The following PTPRE variants were observed in gnomAD, a reference collection of about 807,000 sequenced individuals.
The protein encoded by PTPRE is receptor-type tyrosine-protein phosphatase epsilon.
PTPRE carries 51 observed loss-of-function variants against 102.0 expected under a neutral mutation model. That is an observed-to-expected ratio of 0.50 (90% CI 0.40 to 0.63). The LOEUF is 0.63. Ranked by LOEUF, PTPRE falls within the 30% of genes least tolerant of loss-of-function variation. The probability of loss-of-function intolerance (pLI) is 0.00; values close to 1 mark genes in which losing one functional copy is unlikely to be tolerated. For synonymous variants in PTPRE, 345 were observed against 348.2 expected (o/e 0.99, Z 0.10); for missense variants, 752 against 915.1 (o/e 0.82, Z 2.30).
chr10:127,911,171 A>G (rs1289353659), intron 1 of PTPRE, among the ~76,000 whole-genome samples: 1 of 152,254 alleles, frequency 6.6e-6, no homozygotes, highest in East Asian at 1.9e-4. Context: ...TGCATCATCC[A>G]GATCAGTAGG....
In PTPRE at chr10:128,056,141, A is replaced by G. The variant is rs576763520; in HGVS notation, c.439A>G (p.Ile147Val). 5 of 1,612,322 alleles carry G rather than the reference A, an allele frequency of 3.1e-6. No homozygotes were observed. The East Asian group carries it at 8.9e-5, about 29-fold the overall frequency. ...CTTCCAGTCATTGCCATCTGGACAC[A>G]TACAAGGAACTTTTGAACTGGCAAA... ...EEFNSLPSGHIQGTFELANKE... is the reference protein window; with the variant it reads ...EEFNSLPSGHVQGTFELANKE... Residue 147 changes from isoleucine to valine, a missense_variant, in exon 7 of 21, where the codon ATA becomes GTA. Transcript: ENST00000254667.
chr10:128,084,388 T>C lies in PTPRE; in HGVS notation c.*1482T>C, dbSNP rs1474779821. Reference sequence around the variant, plus strand: ...TGATCGCACCCTCATGTTGCAGTGTTCGTCCCCTATTCATTAACAGTGTGT... The same window carrying C: ...TGATCGCACCCTCATGTTGCAGTGTCCGTCCCCTATTCATTAACAGTGTGT... On this transcript the variant is annotated 3_prime_UTR_variant, in exon 21 of 21. Coordinates refer to ENST00000254667, the MANE Select transcript of PTPRE (RefSeq NM_006504.6). The C allele has an allele frequency of 1.3e-5, 2 of 152,254 alleles. No individual in the cohort carries two copies. The highest frequency in any genetic ancestry group is 4.8e-5 in the African/African-American group (2 of 41,470). The allele number at this position is 152,254 out of a possible 1,614,324, so 9.4% of individuals were successfully genotyped here.
chr10:127,937,443 C>T (rs1260961577), intron 1 of PTPRE, among the ~76,000 whole-genome samples: 1 of 152,180 alleles, frequency 6.6e-6, no homozygotes, highest in African/African-American at 2.4e-5. Flanking sequence ...CTAGTGATTA[C>T]CCACACCAGG....
intron 1 of PTPRE, among the ~76,000 whole-genome samples, chr10:127,962,864 T>C (rs1849936215): frequency 6.6e-6 from 1 of 152,200 alleles, no homozygotes; most frequent in Admixed American, 6.5e-5. Context: ...ATCCTGGGCT[T>C]AGGTCACGCC....
intron 1 of PTPRE, among the ~76,000 whole-genome samples, chr10:127,931,798 C>T (rs1442093897): frequency 1.3e-5 from 2 of 152,178 alleles, no homozygotes; most frequent in Admixed American, 1.3e-4. Context: ...TTATCATGCA[C>T]ATTTTATTAC....
chr10:128,023,280 G>A (rs985453511), intron 2 of PTPRE, among the ~76,000 whole-genome samples: 1 of 151,624 alleles, frequency 6.6e-6, no homozygotes. Flanking sequence ...TAGGAAAAAG[G>A]ATAGTATATA....
chr10:127,993,552 C>A (rs923813703), intron 2 of PTPRE, among the ~76,000 whole-genome samples: 8 of 152,126 alleles, frequency 5.3e-5, no homozygotes, highest in African/African-American at 1.4e-4. Context: ...GTCTCAGGAA[C>A]CTGCGTTGCT....
rs200995542 is a variant in PTPRE, at chr10:127,976,020, G to C, written c.-30-6254G>C. The stretch of plus-strand genomic sequence containing the variant: ...TGCTTGGCGGGGAGTCTGGCATGAA[G>C]TTCCTGTCCTTACAGTGGCTGTTTC... On this transcript the variant is annotated intron_variant, in intron 1 of 20. Transcript: ENST00000254667. Among the ~76,000 whole-genome samples the C allele has an allele frequency of 3.3e-5, 5 of 152,090 alleles. No homozygotes were observed. In the East Asian group the frequency reaches 7.7e-4, roughly 23 times the overall value.
At chr10:128,057,677 G>A (rs1849113894) in intron 7 of PTPRE, among the ~76,000 whole-genome samples, 1 of 152,248 alleles carries the variant, frequency 6.6e-6, no homozygotes, top group African/African-American at 2.4e-5. Flanking sequence ...TCATCAAATA[G>A]TCTTTCATTC....
intron 18 of PTPRE, 94 bp from the exon 19 acceptor site, chr10:128,077,523 C>T: frequency 6.8e-7 from 1 of 1,465,686 alleles, no homozygotes; most frequent in Non-Finnish European, 9.1e-7. Context: ...TCAGGGAGGG[C>T]TCCCAGCCTT....
At chr10:127,986,477 T>G (rs1291459313) in intron 2 of PTPRE, among the ~76,000 whole-genome samples, 2 of 152,254 alleles carry the variant, frequency 1.3e-5, no homozygotes, top group Non-Finnish European at 2.9e-5. Context: ...ACTTGACTAT[T>G]TCACTTTGGT....
At chr10:128,034,551 G>T (rs1185926242) in intron 2 of PTPRE, among the ~76,000 whole-genome samples, 5 of 152,048 alleles carry the variant, frequency 3.3e-5, no homozygotes, top group African/African-American at 1.2e-4. Flanking sequence ...CTTAAATTTT[G>T]CCAGTCATGG....
intron 2 of PTPRE, among the ~76,000 whole-genome samples, chr10:128,038,657 T>C (rs1226761814): frequency 8.2e-5 from 3 of 36,540 alleles, no homozygotes; most frequent in African/African-American, 3.5e-4. Flanking sequence ...GGGCCTGTCG[T>C]GGGGTGGGGG....
rs772803959 is a variant in PTPRE, at chr10:127,944,384, GTGGA to G, written c.-31+37102_-31+37105del. 3.4e-4 allele frequency among the ~76,000 whole-genome samples: 51 copies of G among 151,622 alleles called. No homozygotes were observed. Among genetic ancestry groups the G allele is most frequent in the East Asian group, 2.9e-3 (15 of 5,166 alleles). On this transcript the variant is annotated intron_variant, in intron 1 of 20. Transcript: ENST00000254667. The surrounding 1 kb of genome is among the most constrained non-coding windows in gnomAD (Gnocchi z 4.2). ...GGACGATGGACAGATGGATGGATATGTGGATGGATGGATGGATGGATGGATGGAT... is the reference window on the plus strand; with the variant it reads ...GGACGATGGACAGATGGATGGATATGTGGATGGATGGATGGATGGATGGAT...
intron 2 of PTPRE, chr10:127,999,971 C>T: frequency 1.0e-6 from 1 of 985,196 alleles, no homozygotes; most frequent in Non-Finnish European, 1.2e-6. Flanking sequence ...TGTAAGTATC[C>T]ATGGATGCAC....
chr10:127,987,356 G>T, intron 2 of PTPRE: 1 of 1,284,054 alleles, frequency 7.8e-7, no homozygotes, highest in Non-Finnish European at 1.0e-6. Context: ...ATTCTCCAAG[G>T]CCAGGATGGT....
intron 1 of PTPRE, among the ~76,000 whole-genome samples, chr10:127,915,303 T>C (rs1397928959): frequency 6.6e-6 from 1 of 152,178 alleles, no homozygotes; most frequent in Non-Finnish European, 1.5e-5. Flanking sequence ...TGATTAACAC[T>C]TTTTTTCCAG....
intron 2 of PTPRE, among the ~76,000 whole-genome samples, chr10:127,986,738 C>T (rs1375365676): frequency 6.6e-6 from 1 of 152,168 alleles, no homozygotes; most frequent in African/African-American, 2.4e-5. Context: ...AAATAAAGCT[C>T]AGGGTTCTGA....
chr10:127,999,425 G>A (rs762386643), intron 2 of PTPRE: 18 of 420,014 alleles, frequency 4.3e-5, no homozygotes, highest in Non-Finnish European at 5.4e-5. Flanking sequence ...AATCATGATC[G>A]ACATTGCTCG....
Sources: allele counts gnomAD v4.1 joint callset (sites outside exome capture counted in the v4.1 genomes callset), GRCh38; gene constraint gnomAD v4.1.1; non-coding constraint Gnocchi (gnomAD v3.1); transcripts MANE v1.5; gene names NCBI Gene and HGNC (gene_info 2026-07-23, HGNC 2026-07-21).